Variants in CDH23 observed in about 807,000 individuals in gnomAD.
CDH23 encodes cadherin related 23, also known as cadherin-23.
In CDH23, 189 loss-of-function variants were observed where a neutral mutation model predicts 317.1. The observed-to-expected ratio is 0.60, with a 90% CI of 0.53 to 0.67. The LOEUF (loss-of-function observed/expected upper bound fraction) is 0.67, where lower values mean the gene tolerates loss of function less well. Among genes scored for constraint, CDH23 ranks in the 30% least tolerant of loss-of-function variants. The probability of loss-of-function intolerance (pLI) is 0.00; values close to 1 mark genes in which losing one functional copy is unlikely to be tolerated. For missense variants in CDH23, 4,401 were observed against 4,592.4 expected (o/e 0.96, Z 1.20); for synonymous variants, 1,839 against 1,876.8 (o/e 0.98, Z 0.52).
At chr10:71,597,143 T>A (rs1859909570) in intron 9 of CDH23, among the ~76,000 whole-genome samples, 1 of 151,720 alleles carries the variant, frequency 6.6e-6, no homozygotes, top group African/African-American at 2.4e-5. Flanking sequence ...TTAGGGGAGT[T>A]CTCCAGGTGG....
chr10:71,803,261 G>A lies in CDH23; in HGVS notation c.7713G>A (p.Leu2571=). 1.3e-6 allele frequency: 2 copies of A among 1,595,060 alleles called. No homozygotes were observed. Among genetic ancestry groups the A allele is most frequent in the Non-Finnish European group, 1.7e-6 (2 of 1,170,226 alleles). Residue 2571 remains leucine (L), a synonymous_variant, in exon 55 of 70, where the codon CTG becomes CTA. Transcript: ENST00000224721. ...GCTTGGTGACCACACAGCGGCCACTGCAGTCCTACGAGAAGTTCAGTCTGA... is the reference window on the plus strand; with the variant it reads ...GCTTGGTGACCACACAGCGGCCACTACAGTCCTACGAGAAGTTCAGTCTGA... ...DSGLVTTQRP[L]QSYEKFSLTV... is the part of the protein sequence containing the mutation.
At chr10:71,726,166 G>C (rs1487543842) in intron 30 of CDH23, among the ~76,000 whole-genome samples, 1 of 152,142 alleles carries the variant, frequency 6.6e-6, no homozygotes, top group Non-Finnish European at 1.5e-5. Flanking sequence ...TGAGATGAAT[G>C]AGATGACCTC....
intron 6 of CDH23, among the ~76,000 whole-genome samples, chr10:71,542,899 AG>A (rs1251707795): frequency 6.6e-6 from 1 of 152,216 alleles, no homozygotes; most frequent in East Asian, 1.9e-4. Flanking sequence ...GGCAGCGTGC[AG>A]GGGGCTTCTG....
At chr10:71,470,595 T>C (rs1851461058) in intron 3 of CDH23, among the ~76,000 whole-genome samples, 1 of 152,076 alleles carries the variant, frequency 6.6e-6, no homozygotes, top group South Asian at 2.1e-4. Flanking sequence ...GCTCTAGCAG[T>C]CCTTCCATAT....
rs1855469618 is a variant in CDH23 at position 71,532,737 on chromosome 10, T to TG, written c.429+21525_429+21526insG. On this transcript the variant is annotated intron_variant, in intron 6 of 69. Coordinates refer to ENST00000224721, the MANE Select transcript of CDH23 (RefSeq NM_022124.6). ...TTTTTTTTTTTTTTTGTTTTTTTTTTTTTTTTTTTTGAGACGGAGTATCAC... is the reference window on the plus strand; with the variant it reads ...TTTTTTTTTTTTTTTGTTTTTTTTTTGTTTTTTTTTTGAGACGGAGTATCAC... Among the ~76,000 whole-genome samples, 254 of 86,284 alleles carry TG rather than the reference T, an allele frequency of 2.9e-3. 4 individuals are homozygous for TG. The East Asian group carries it at 0.069, about 23-fold the overall frequency. The allele number at this position is 86,284 out of a possible 152,430, so 56.6% of individuals were successfully genotyped here.
At chr10:71,736,090 C>T (rs761663492) in intron 34 of CDH23, among the ~76,000 whole-genome samples, 222 of 152,348 alleles carry the variant, frequency 1.5e-3, no homozygotes, top group Non-Finnish European at 2.1e-3. Context: ...GAAAGGAGGT[C>T]CCCCTGCGTG....
chr10:71,779,253 T>C lies in CDH23; in HGVS notation c.5188-14T>C. The C allele has an allele frequency of 6.2e-7, 1 of 1,613,860 alleles. No individual in the cohort carries two copies. Among genetic ancestry groups the C allele is most frequent in the Non-Finnish European group, 8.5e-7 (1 of 1,179,804 alleles). ...CTGGGGTGAGGCCTTGGCTAAGCTT[T>C]TCCACCATCTCAGGTGCTTGTGAAT... On this transcript the variant is annotated splice_polypyrimidine_tract_variant and intron_variant, in intron 40 of 69. Transcript: ENST00000224721.
chr10:71,734,278 G>A lies in CDH23; in HGVS notation c.4143G>A (p.Lys1381=), dbSNP rs754578623. ...ITVQGLVDRE[K]GDFYTLTVVA... is the part of the protein sequence containing the mutation. Reference sequence around the variant, plus strand: ...TCCAGGGCCTGGTGGACCGTGAGAAGGGCGACTTCTATACCTTGACAGTGG... The same window carrying A: ...TCCAGGGCCTGGTGGACCGTGAGAAAGGCGACTTCTATACCTTGACAGTGG... Residue 1381 remains lysine, a synonymous_variant, in exon 33 of 70, where the codon AAG becomes AAA. Transcript: ENST00000224721. 2.5e-6 allele frequency: 4 copies of A among 1,612,518 alleles called. No individual in the cohort carries two copies. Among genetic ancestry groups the A allele is most frequent in the Non-Finnish European group, 3.4e-6 (4 of 1,179,326 alleles).
chr10:71,744,162 A>T (rs1437788200), intron 38 of CDH23, among the ~76,000 whole-genome samples: 3 of 152,126 alleles, frequency 2.0e-5, no homozygotes, highest in African/African-American at 7.2e-5. Flanking sequence ...CAGATATATC[A>T]CTTCCCACAC....
chr10:71,698,080 T>A (rs1865459280), intron 22 of CDH23, among the ~76,000 whole-genome samples: 2 of 152,232 alleles, frequency 1.3e-5, no homozygotes, highest in South Asian at 4.1e-4. Context: ...GAAAATTTCA[T>A]TACATTCGAG....
chr10:71,682,980 C>T (rs1864717092), intron 18 of CDH23, among the ~76,000 whole-genome samples: 1 of 152,224 alleles, frequency 6.6e-6, no homozygotes, highest in African/African-American at 2.4e-5. Flanking sequence ...CTCTCTCTCT[C>T]TCTCTATCCT....
At position 71,799,528 on chromosome 10, in the gene CDH23, A is replaced by T; in HGVS notation, c.7261A>T (p.Ile2421Phe). 6.2e-7 allele frequency: 1 copy of T among 1,614,072 alleles called. No individual in the cohort carries two copies. The highest frequency in any genetic ancestry group is 1.1e-5 in the South Asian group (1 of 91,090). The change falls in exon 52 of 70, where the codon ATC becomes TTC. Residue 2421 changes from isoleucine (I) to phenylalanine (F), a missense_variant. Around this residue, in one of 3 missense-constraint regions of CDH23, gnomAD observed 189 missense variants for 250.9 expected, o/e 0.75. Transcript: ENST00000224721. ...VFEDVPVGTI[I>F]LTVTATDADS... ...TGAGGATGTGCCTGTGGGCACAATC[A>T]TCCTGACAGTCACTGCCACTGATGC...
At chr10:71,734,765 G>A (rs114819631) in intron 34 of CDH23, 107 bp downstream of exon 34, 17 of 680,450 alleles carry the variant, frequency 2.5e-5, no homozygotes, top group Admixed American at 7.7e-5. Flanking sequence ...GAGAAGGCAC[G>A]TGGACAGGCC....
intron 14 of CDH23, among the ~76,000 whole-genome samples, chr10:71,658,044 GC>G (rs754813878): frequency 2.0e-5 from 3 of 152,294 alleles, no homozygotes; most frequent in Admixed American, 6.5e-5. Flanking sequence ...GTACTTCTGG[GC>G]CCCTTTAATG....
At chr10:71,787,784 T>C (rs1841144367) in intron 44 of CDH23, among the ~76,000 whole-genome samples, 1 of 152,244 alleles carries the variant, frequency 6.6e-6, no homozygotes, top group Non-Finnish European at 1.5e-5. Context: ...TAGTCAGTCC[T>C]CTGTGGATGG....
At chr10:71,459,476 C>T (rs10999825) in intron 3 of CDH23, among the ~76,000 whole-genome samples, 52,243 of 152,104 alleles carry the variant, frequency 0.34, 11,149 homozygotes, top group East Asian at 0.48. Context: ...TCGGCCAGTG[C>T]TTTTCCCAAC....
chr10:71,466,041 C>T (rs1402511511), intron 3 of CDH23, among the ~76,000 whole-genome samples: 11 of 152,180 alleles, frequency 7.2e-5, no homozygotes, highest in Non-Finnish European at 1.5e-4. Flanking sequence ...ACGGCTTCAA[C>T]GCAGGCAGGA....
intron 3 of CDH23, among the ~76,000 whole-genome samples, chr10:71,498,010 C>T (rs1853070426): frequency 6.6e-6 from 1 of 152,188 alleles, no homozygotes; most frequent in Non-Finnish European, 1.5e-5. Context: ...AAACCATGAC[C>T]CGGAGGTTGG....
At chr10:71,800,224 C>CCCCA (rs1841519207) in intron 52 of CDH23, among the ~76,000 whole-genome samples, 1 of 152,228 alleles carries the variant, frequency 6.6e-6, no homozygotes, top group South Asian at 2.1e-4. Flanking sequence ...GCAGGGCCTT[C>CCCCA]CCCAGTTGCT....
Sources: allele counts gnomAD v4.1 joint callset (sites outside exome capture counted in the v4.1 genomes callset), GRCh38; gene constraint gnomAD v4.1.1; regional missense constraint gnomAD v4.1.1; transcripts MANE v1.5; gene names NCBI Gene and HGNC (gene_info 2026-07-23, HGNC 2026-07-21).